PDC: variants seen among roughly 807,000 people sequenced by gnomAD.
The protein encoded by PDC is 33 kDa phototransducing protein.
PDC carries 19 observed loss-of-function variants against 22.2 expected under a neutral mutation model. The ratio of observed to expected loss-of-function variants is 0.86; its 90% CI spans 0.60 to 1.26. PDC has a LOEUF of 1.26. PDC is among the 50% of genes most tolerant of loss of function. The pLI, the probability that PDC is intolerant of heterozygous loss-of-function variation, is 0.00. For missense variants in PDC, 274 were observed against 286.8 expected (o/e 0.96, Z 0.32); for synonymous variants, 97 against 96.2 (o/e 1.01, Z -0.05).
intron 1 of PDC, among the ~76,000 whole-genome samples, chr1:186,455,179 C>T (rs187650723): frequency 2.1e-3 from 325 of 152,232 alleles, no homozygotes; most frequent in Admixed American, 3.5e-3. Flanking sequence ...TTTCTGGTGC[C>T]GGCCTTCTTC....
chr1:186,449,621 C>A, intron 1 of PDC, 138 bp from the exon 2 acceptor site: 1 of 460,030 alleles, frequency 2.2e-6, no homozygotes, highest in Admixed American at 3.5e-5. Context: ...AGGATAATCA[C>A]TCAGTGGTAA....
chr1:186,452,505 C>G (rs1662373885), intron 1 of PDC, among the ~76,000 whole-genome samples: 3 of 152,314 alleles, frequency 2.0e-5, no homozygotes, highest in African/African-American at 7.2e-5. Flanking sequence ...CCCAAAAGTG[C>G]TGGGATTACA....
chr1:186,452,869 GGTTCAAATGAATT>G (rs1454540757), intron 1 of PDC, among the ~76,000 whole-genome samples: 7 of 151,976 alleles, frequency 4.6e-5, no homozygotes, highest in African/African-American at 1.4e-4. Context: ...GATTTACTTT[GGTTCAAATGAATT>G]ATTTTCCACA....
chr1:186,453,330 G>A (rs911747916), intron 1 of PDC, among the ~76,000 whole-genome samples: 7 of 151,988 alleles, frequency 4.6e-5, no homozygotes, highest in African/African-American at 7.2e-5. Flanking sequence ...AAATTTTTAC[G>A]CATTAGTTTT....
At position 186,447,151 on chromosome 1, in the gene PDC, G is replaced by T. The variant is rs559301039; in HGVS notation, c.62-574C>A. Among the ~76,000 whole-genome samples the T allele has an allele frequency of 7.4e-5, 10 of 135,174 alleles. No individual in the cohort carries two copies. The South Asian group carries it at 2.3e-3, about 31-fold the overall frequency. The allele number at this position is 135,174 out of a possible 152,430, so 88.7% of individuals were successfully genotyped here. A position where few individuals can be genotyped will look rare whatever the true frequency, so the allele number is the denominator to read the frequency against. On this transcript the variant is annotated intron_variant, in intron 2 of 3. Transcript: ENST00000391997. ...AAACATAGAAAGAATAGGATTGGCA[G>T]ATTATTTTTTTTTTTGAGATGGAGC...
At chr1:186,453,896 G>A in intron 1 of PDC, among the ~76,000 whole-genome samples, 1 of 152,106 alleles carries the variant, frequency 6.6e-6, no homozygotes, top group Admixed American at 6.6e-5. Context: ...TCAAATCTCT[G>A]ACTCTCAAAT....
chr1:186,444,657 C>T (rs1662184111), intron 3 of PDC, 151 bp from the exon 4 acceptor site: 1 of 595,824 alleles, frequency 1.7e-6, no homozygotes, highest in East Asian at 2.8e-5. Context: ...TTCTCTTTCA[C>T]CTCATTGAAG....
At chr1:186,459,993 T>C (rs1662550286) in intron 1 of PDC, among the ~76,000 whole-genome samples, 1 of 151,674 alleles carries the variant, frequency 6.6e-6, no homozygotes, top group Admixed American at 6.6e-5. Flanking sequence ...TGTTCTTTTC[T>C]TTTAAAAACA....
At position 186,447,839 on chromosome 1, in the gene PDC, T is replaced by C. The variant is rs144827456; in HGVS notation, c.62-1262A>G. Among the ~76,000 whole-genome samples, 427 of 151,140 alleles carry C rather than the reference T, an allele frequency of 2.8e-3. 4 individuals carry two copies. The highest frequency in any genetic ancestry group is 1.0e-2 in the African/African-American group (414 of 41,508). On this transcript the variant is annotated intron_variant, in intron 2 of 3. Transcript: ENST00000391997. ...GTTTTATGCATATGCAAAATATACA[T>C]GTGTGTATGTTTGTTTAAAAAAGAG...
At chr1:186,455,495 T>G (rs966847585) in intron 1 of PDC, among the ~76,000 whole-genome samples, 1 of 152,264 alleles carries the variant, frequency 6.6e-6, no homozygotes, top group South Asian at 2.1e-4. Flanking sequence ...TTCTTTAATT[T>G]CTAAAGCTTT....
rs867000844 is a variant in PDC at position 186,444,053 on chromosome 1, C to A, written c.667G>T (p.Glu223Ter). 6 of 1,612,750 alleles carry A rather than the reference C, an allele frequency of 3.7e-6. No individual in the cohort carries two copies. The highest frequency in any genetic ancestry group is 2.2e-5 in the South Asian group (2 of 91,052). ...FAGDVESFLNEYGLLPEREVH... is the reference protein window; with the variant it reads ...FAGDVESFLN ...TCTCTTTCAGGTAGTAACCCATATTCATTTAGGAAAGACTCCACATCCCCA... is the reference window on the plus strand; with the variant it reads ...TCTCTTTCAGGTAGTAACCCATATTAATTTAGGAAAGACTCCACATCCCCA... The change falls in exon 4 of 4, where the codon GAA (glutamate) becomes TAA (stop). Residue 223 changes from glutamate (E) to a stop codon, truncating the protein, a stop_gained. Coordinates refer to ENST00000391997, the MANE Select transcript of PDC (RefSeq NM_002597.5). LOFTEE classifies it high-confidence loss of function.
rs956155803 is a variant in PDC, at chr1:186,448,687, C to G, written c.61+712G>C. 1.1e-5 allele frequency: 11 copies of G among 964,992 alleles called. No individual in the cohort carries two copies. In the African/African-American group the frequency reaches 1.9e-4, roughly 17 times the overall value. 59.8% of individuals were successfully genotyped at this position (964,992 alleles called of 1,614,324 possible). A position where few individuals can be genotyped will look rare whatever the true frequency, so the allele number is the denominator to read the frequency against. On this transcript the variant is annotated intron_variant, in intron 2 of 3. Coordinates refer to ENST00000391997, the MANE Select transcript of PDC (RefSeq NM_002597.5). ...TTTTTGTCATAATTAGGAAGGTATT[C>G]CTCACATTGCTATTATAAAATAAAT...
At chr1:186,460,685 C>T (rs1662564399) in intron 1 of PDC, among the ~76,000 whole-genome samples, 1 of 152,198 alleles carries the variant, frequency 6.6e-6, no homozygotes, top group Non-Finnish European at 1.5e-5. Flanking sequence ...CCTTTTCCAA[C>T]TTGGGAGCCA....
chr1:186,447,397 C>T (rs968150497), intron 2 of PDC, among the ~76,000 whole-genome samples: 2 of 152,124 alleles, frequency 1.3e-5, no homozygotes, highest in South Asian at 4.2e-4. Context: ...AATCTGCCCA[C>T]CTCAGCCTCC....
chr1:186,447,533 C>T (rs997323579), intron 2 of PDC, among the ~76,000 whole-genome samples: 4 of 152,116 alleles, frequency 2.6e-5, no homozygotes, highest in South Asian at 2.1e-4. Flanking sequence ...TGACTAACAA[C>T]GTTATTCATT....
chr1:186,456,880 C>T (rs1306023532), intron 1 of PDC, among the ~76,000 whole-genome samples: 6 of 152,176 alleles, frequency 3.9e-5, no homozygotes, highest in Non-Finnish European at 7.3e-5. Flanking sequence ...AAGGCACTAC[C>T]TGGCACATAC....
chr1:186,455,651 C>A (rs985550060), intron 1 of PDC, among the ~76,000 whole-genome samples: 3 of 151,566 alleles, frequency 2.0e-5, no homozygotes, highest in African/African-American at 7.3e-5. Context: ...TGGGATGCCA[C>A]AGAAGAGCCC....
chr1:186,456,290 GA>G (rs1662471183), intron 1 of PDC, among the ~76,000 whole-genome samples: 2 of 151,822 alleles, frequency 1.3e-5, no homozygotes, highest in Non-Finnish European at 2.9e-5. Flanking sequence ...TCCACACAGA[GA>G]AAAAATATTT....
chr1:186,454,102 T>G (rs1018633917), intron 1 of PDC, among the ~76,000 whole-genome samples: 2 of 152,096 alleles, frequency 1.3e-5, no homozygotes, highest in African/African-American at 4.8e-5. Flanking sequence ...ATTTTCGCTT[T>G]GGATTAAACC....
Sources: allele counts gnomAD v4.1 joint callset (sites outside exome capture counted in the v4.1 genomes callset), GRCh38; gene constraint gnomAD v4.1.1; transcripts MANE v1.5; gene names NCBI Gene and HGNC (gene_info 2026-07-23, HGNC 2026-07-21).